The following PLCB1 variants were observed in gnomAD, a reference collection of about 807,000 sequenced individuals.
PLCB1 encodes phospholipase C beta 1, also known as 1-phosphatidylinositol 4,5-bisphosphate phosphodiesterase beta-1.
A neutral mutation model predicts 161.8 loss-of-function variants in PLCB1; 46 were observed. The ratio of observed to expected loss-of-function variants is 0.28; its 90% CI spans 0.22 to 0.36. PLCB1 has a LOEUF of 0.36. PLCB1 is among the 10% of genes least tolerant of loss of function. The pLI, the probability that PLCB1 is intolerant of heterozygous loss-of-function variation, is 1.00. For missense variants in PLCB1, 1,016 were observed against 1,472.5 expected, an observed-to-expected ratio of 0.69 and a Z score of 5.07; for synonymous variants, 517 against 503.7, an observed-to-expected ratio of 1.03 and a Z score of -0.35.
Position 8,511,854 on chromosome 20 carries a change from A to AT in PLCB1, c.247-116433dup, listed in dbSNP as rs957430648. Among the ~76,000 whole-genome samples, 73 of 152,106 alleles carry AT rather than the reference A, an allele frequency of 4.8e-4. No individual in the cohort carries two copies. In the Middle Eastern group the frequency reaches 0.024, roughly 50 times the overall value. On this transcript the variant is annotated intron_variant, in intron 3 of 31. Transcript: ENST00000338037. ...AAATGTCTATTTAAATTCTTTACCC[A>AT]TTTTTTTAAAAAATTCGATTCTTTG...
chr20:8,685,020 C>T lies in PLCB1; in HGVS notation c.951C>T (p.Asp317=), dbSNP rs1600250151. 2 of 1,613,072 alleles carry T rather than the reference C, an allele frequency of 1.2e-6. No homozygotes were observed. The highest frequency in any genetic ancestry group is 8.5e-7 in the Non-Finnish European group (1 of 1,179,056). The change falls in exon 10 of 32, where the codon GAC becomes GAT. Residue 317 remains aspartate (D), a synonymous_variant. Transcript: ENST00000338037. ...CTGAGAAACTGGATTTGAATGAAGA[C>T]ATGTCTCAGCCCCTTTCTCACTATT... ...VSPEKLDLNE[D]MSQPLSHYFI...
chr20:8,770,657 A>G (rs1982631168), intron 26 of PLCB1, among the ~76,000 whole-genome samples: 1 of 152,172 alleles, frequency 6.6e-6, no homozygotes, highest in Non-Finnish European at 1.5e-5. Flanking sequence ...ACTCGAAGCA[A>G]AGGCAGGAAG....
At chr20:8,217,253 C>G (rs540103096) in intron 2 of PLCB1, among the ~76,000 whole-genome samples, 48 of 152,244 alleles carry the variant, frequency 3.2e-4, no homozygotes, top group African/African-American at 9.1e-4. Flanking sequence ...TAGTGGATCT[C>G]TAACCCTAGG....
intron 12 of PLCB1, among the ~76,000 whole-genome samples, chr20:8,711,314 G>A (rs1021013274): frequency 6.6e-6 from 1 of 152,216 alleles, no homozygotes; most frequent in Non-Finnish European, 1.5e-5. Flanking sequence ...TCTGTGGCTT[G>A]TAACCCTTAA....
At chr20:8,171,723 C>T (rs2051734866) in intron 2 of PLCB1, among the ~76,000 whole-genome samples, 1 of 152,112 alleles carries the variant, frequency 6.6e-6, no homozygotes, top group Non-Finnish European at 1.5e-5. Flanking sequence ...ATTGTAGTCT[C>T]CTTTATGAAA....
chr20:8,763,114 C>T (rs1982130246), intron 25 of PLCB1, among the ~76,000 whole-genome samples: 2 of 152,194 alleles, frequency 1.3e-5, no homozygotes, highest in Non-Finnish European at 2.9e-5. Context: ...ACCCCACCAA[C>T]CATAAGATGC....
At chr20:8,357,579 G>C (rs563046310) in intron 2 of PLCB1, among the ~76,000 whole-genome samples, 2 of 152,170 alleles carry the variant, frequency 1.3e-5, no homozygotes, top group South Asian at 2.1e-4. Flanking sequence ...ACTCTGGGGG[G>C]GCCGAGCGAG....
At chr20:8,251,769 C>G (rs1169784365) in intron 2 of PLCB1, among the ~76,000 whole-genome samples, 1 of 151,896 alleles carries the variant, frequency 6.6e-6, no homozygotes, top group Non-Finnish European at 1.5e-5. Context: ...TTCCTAGGTC[C>G]CTCTCCCCAA....
intron 9 of PLCB1, among the ~76,000 whole-genome samples, chr20:8,666,877 G>A (rs1472107875): frequency 2.0e-5 from 3 of 152,140 alleles, no homozygotes; most frequent in Non-Finnish European, 4.4e-5. Flanking sequence ...GAGTACAGGT[G>A]ATGGTGGCTG....
At chr20:8,535,440 C>T (rs1005268650) in intron 3 of PLCB1, among the ~76,000 whole-genome samples, 2 of 152,016 alleles carry the variant, frequency 1.3e-5, no homozygotes, top group African/African-American at 4.8e-5. Context: ...TTCCCTTTAA[C>T]ATAGTAGTTC....
intron 3 of PLCB1, among the ~76,000 whole-genome samples, chr20:8,500,205 G>T (rs1440586063): frequency 6.6e-6 from 1 of 152,114 alleles, no homozygotes; most frequent in East Asian, 1.9e-4. Context: ...GTAAAAGAAA[G>T]CAAAAGAAAG....
intron 26 of PLCB1, among the ~76,000 whole-genome samples, chr20:8,767,849 A>G (rs949967831): frequency 6.6e-6 from 1 of 152,200 alleles, no homozygotes; most frequent in Admixed American, 6.5e-5. Flanking sequence ...TTAAAACAAT[A>G]AAAATGTATT....
At chr20:8,678,678 C>A (rs1990146360) in intron 9 of PLCB1, among the ~76,000 whole-genome samples, 1 of 152,198 alleles carries the variant, frequency 6.6e-6, no homozygotes, top group South Asian at 2.1e-4. Flanking sequence ...ACTCCACACA[C>A]TGGAGACATT....
intron 2 of PLCB1, among the ~76,000 whole-genome samples, chr20:8,224,674 T>A (rs1254916299): frequency 6.6e-6 from 1 of 152,100 alleles, no homozygotes; most frequent in Non-Finnish European, 1.5e-5. Context: ...AGTTTATAAT[T>A]CAAAATAATT....
In PLCB1 at chr20:8,287,869, T is replaced by C. The variant is rs78445578; in HGVS notation, c.178-83513T>C. On this transcript the variant is annotated intron_variant, in intron 2 of 31. Transcript: ENST00000338037. ...GGATTTGGGTAGATTTTACTGACAT[T>C]ACACTTAGAGAAAGATTTTAGATGT... Among the ~76,000 whole-genome samples the C allele has an allele frequency of 8.8e-3, 1,337 of 152,284 alleles. 9 individuals are homozygous for C. Among genetic ancestry groups the C allele is most frequent in the African/African-American group, 0.03 (1,261 of 41,556 alleles).
chr20:8,159,256 G>A (rs2051595745), intron 2 of PLCB1, among the ~76,000 whole-genome samples: 1 of 152,200 alleles, frequency 6.6e-6, no homozygotes, highest in East Asian at 1.9e-4. Flanking sequence ...CCATGTGGAA[G>A]CTGTCAAGGC....
At chr20:8,877,625 C>T (rs139661476) in intron 31 of PLCB1, among the ~76,000 whole-genome samples, 13 of 152,280 alleles carry the variant, frequency 8.5e-5, no homozygotes, top group African/African-American at 2.6e-4. Context: ...GAGTTTGCAA[C>T]CCTTGGGCTG....
intron 12 of PLCB1, among the ~76,000 whole-genome samples, chr20:8,710,483 T>C (rs529481573): frequency 1.1e-4 from 17 of 151,004 alleles, no homozygotes; most frequent in Non-Finnish European, 2.4e-4. Context: ...TCAGGTATTA[T>C]AGTTTCGACT....
At chr20:8,576,593 C>T (rs1002375722) in intron 3 of PLCB1, among the ~76,000 whole-genome samples, 5 of 152,086 alleles carry the variant, frequency 3.3e-5, no homozygotes, top group Non-Finnish European at 7.4e-5. Context: ...TAAGCTCATC[C>T]TAGAAATATT....
Sources: gnomAD v4.1 joint callset for allele counts (sites outside exome capture counted in the v4.1 genomes callset) on GRCh38, gnomAD v4.1.1 for gene constraint, MANE v1.5 for transcripts, NCBI Gene and HGNC (gene_info 2026-07-23, HGNC 2026-07-21) for gene names.